PHACTR2: variants seen among roughly 807,000 people sequenced by gnomAD.
PHACTR2 encodes chromosome 6 open reading frame 56.
Under a neutral mutation model 76.0 loss-of-function variants are expected in PHACTR2, and 30 were observed. The ratio of observed to expected loss-of-function variants is 0.39; its 90% CI spans 0.30 to 0.54. The LOEUF (loss-of-function observed/expected upper bound fraction) is 0.54, where lower values mean the gene tolerates loss of function less well. Among genes scored for constraint, PHACTR2 ranks in the 20% least tolerant of loss-of-function variants. The probability of loss-of-function intolerance (pLI) is 0.61; values close to 1 mark genes in which losing one functional copy is unlikely to be tolerated. For missense variants in PHACTR2, 696 were observed against 781.1 expected (o/e 0.89, Z 1.30); for synonymous variants, 292 against 292.5 (o/e 1.00, Z 0.02).
chr6:143,603,145 CAA>C lies in PHACTR2; in HGVS notation c.217+65959_217+65960del, dbSNP rs751947717. Among the ~76,000 whole-genome samples, 417 of 78,800 alleles carry C rather than the reference CAA, an allele frequency of 5.3e-3. 1 individual carries two copies. The highest frequency in any genetic ancestry group is 0.017 in the African/African-American group (353 of 20,584). The allele number at this position is 78,800 out of a possible 152,430, so 51.7% of individuals were successfully genotyped here. ...GGGTGACAAGAGCAAGACTCTGTCT[CAA>C]AAAAAAAAAAAAAAAAAAAATACTT... On this transcript the variant is annotated intron_variant, in intron 1 of 11. Coordinates refer to the PHACTR2 transcript ENST00000367584.
intron 1 of PHACTR2, among the ~76,000 whole-genome samples, chr6:143,567,934 C>T (rs1231180830): frequency 6.6e-6 from 1 of 152,172 alleles, no homozygotes; most frequent in Non-Finnish European, 1.5e-5. Flanking sequence ...TAGAAACGTT[C>T]CAGCGATTCC....
rs374341261 is a variant in PHACTR2 at position 143,654,855 on chromosome 6, G to A, written c.13+46533G>A. ...TATTGATACATGCCACAACATGGAC[G>A]ACTCTTAAAAACATCATGCTAGCCG... is the stretch of plus-strand genomic sequence containing the variant. On this transcript the variant is annotated intron_variant, in intron 1 of 11. Transcript: ENST00000305766. This position sits in a 1 kb window ranked among gnomAD's most constrained non-coding sequence, Gnocchi z 4.6. Among the ~76,000 whole-genome samples the A allele has an allele frequency of 1.3e-4, 19 of 151,780 alleles. No individual in the cohort carries two copies. Among genetic ancestry groups the A allele is most frequent in the African/African-American group, 3.6e-4 (15 of 41,410 alleles).
In PHACTR2 at chr6:143,623,204, G is replaced by T. The variant is rs75777188; in HGVS notation, c.13+14882G>T. On this transcript the variant is annotated intron_variant, in intron 1 of 11. Transcript: ENST00000305766. The surrounding 1 kb of genome is among the most constrained non-coding windows in gnomAD (Gnocchi z 5.9). Reference sequence around the variant, plus strand: ...ATTAATAAATTAAATATTGTTATAAGAAAAAAGCCAAATTACCTTCCCTAG... The same window carrying T: ...ATTAATAAATTAAATATTGTTATAATAAAAAAGCCAAATTACCTTCCCTAG... Among the ~76,000 whole-genome samples, 3,199 of 152,048 alleles carry T rather than the reference G, an allele frequency of 0.021. 99 individuals carry two copies. Among genetic ancestry groups the T allele is most frequent in the African/African-American group, 0.072 (2,998 of 41,482 alleles).
chr6:143,800,407 G>T lies in PHACTR2; in HGVS notation c.1846-6650G>T, dbSNP rs1426820577. The stretch of plus-strand genomic sequence containing the variant: ...CTCCTGAGTAGCTGGGACTACAGGT[G>T]CCCGCCACCATGCCCAGTTAATTTT... On this transcript the variant is annotated intron_variant, in intron 11 of 12. Coordinates refer to ENST00000440869, the MANE Select transcript of PHACTR2 (RefSeq NM_001100164.2). The surrounding 1 kb of genome is among the most constrained non-coding windows in gnomAD (Gnocchi z 4.8). 6.6e-6 allele frequency among the ~76,000 whole-genome samples: 1 copy of T among 152,062 alleles called. No individual in the cohort carries two copies. Among genetic ancestry groups the T allele is most frequent in the East Asian group, 1.9e-4 (1 of 5,198 alleles).
chr6:143,671,090 C>T lies in PHACTR2; in HGVS notation c.14-40926C>T, dbSNP rs59720432. Among the ~76,000 whole-genome samples the T allele has an allele frequency of 2.6e-5, 4 of 152,040 alleles. No homozygotes were observed. On this transcript the variant is annotated intron_variant, in intron 1 of 11. Coordinates refer to the PHACTR2 transcript ENST00000305766. The surrounding 1 kb of genome is among the most constrained non-coding windows in gnomAD (Gnocchi z 4.6). ...GATTACAGGAATGCGCCACCATGCC[C>T]AGCTAATTTTTGTATTTTTAGTAGA...
chr6:143,786,919 T>C (rs1775570440), intron 10 of PHACTR2, among the ~76,000 whole-genome samples: 1 of 152,202 alleles, frequency 6.6e-6, no homozygotes, highest in Admixed American at 6.5e-5. Flanking sequence ...TCATTTTTTT[T>C]TCTCAAAGCT....
rs976102672 is a variant in PHACTR2, at chr6:143,547,862, A to T, written c.217+10655A>T. ...GATCTAACTCTCTCTTGCCCGCTGT[A>T]TCTATGTATGTATGTATGTACGTAT... is the stretch of plus-strand genomic sequence containing the variant. On this transcript the variant is annotated intron_variant, in intron 1 of 11. Transcript: ENST00000367584. This position sits in a 1 kb window ranked among gnomAD's most constrained non-coding sequence, Gnocchi z 4.2. 1.3e-5 allele frequency among the ~76,000 whole-genome samples: 2 copies of T among 152,010 alleles called. No homozygotes were observed. Among genetic ancestry groups the T allele is most frequent in the Non-Finnish European group, 2.9e-5 (2 of 68,016 alleles).
At chr6:143,705,327 C>T (rs2128459477) in intron 1 of PHACTR2, among the ~76,000 whole-genome samples, 2 of 138,206 alleles carry the variant, frequency 1.4e-5, no homozygotes, top group Admixed American at 1.5e-4. Context: ...CGGAGTCTTG[C>T]TCTGTAGCCC....
intron 2 of PHACTR2, among the ~76,000 whole-genome samples, chr6:143,726,107 A>C (rs1344532811): frequency 6.6e-6 from 1 of 152,228 alleles, no homozygotes; most frequent in East Asian, 1.9e-4. Context: ...TCATTTCTTT[A>C]GGGAAAATGT....
At position 143,539,406 on chromosome 6, in the gene PHACTR2, G is replaced by A. The variant is rs1401051668; in HGVS notation, c.217+2199G>A. Among the ~76,000 whole-genome samples, 2 of 152,198 alleles carry A rather than the reference G, an allele frequency of 1.3e-5. No individual in the cohort carries two copies. The highest frequency in any genetic ancestry group is 1.3e-4 in the Admixed American group (2 of 15,278). On this transcript the variant is annotated intron_variant, in intron 1 of 11. Transcript: ENST00000367584. This position sits in a 1 kb window ranked among gnomAD's most constrained non-coding sequence, Gnocchi z 4.3. The stretch of plus-strand genomic sequence containing the variant: ...TGATCAGGAGCTCCCTGCTCTTAGA[G>A]TCAGAGAGAAAAAGAATGAGCAGGT...
intron 1 of PHACTR2, among the ~76,000 whole-genome samples, chr6:143,667,508 C>T (rs1282037201): frequency 2.6e-5 from 4 of 152,180 alleles, no homozygotes; most frequent in African/African-American, 9.7e-5. Flanking sequence ...TATCCGTGAG[C>T]ATGGAATGCT....
chr6:143,593,238 G>T (rs1003821918), intron 1 of PHACTR2, among the ~76,000 whole-genome samples: 1 of 152,056 alleles, frequency 6.6e-6, no homozygotes. Flanking sequence ...AAGTCCTGTG[G>T]GGGCTGCAGA....
rs1227159043 is a variant in PHACTR2 at position 143,627,668 on chromosome 6, C to G, written c.13+19346C>G. Among the ~76,000 whole-genome samples, 1 of 150,358 alleles carries G rather than the reference C, an allele frequency of 6.7e-6. No homozygotes were observed. Among genetic ancestry groups the G allele is most frequent in the Non-Finnish European group, 1.5e-5 (1 of 67,814 alleles). On this transcript the variant is annotated intron_variant, in intron 1 of 11. Coordinates refer to the PHACTR2 transcript ENST00000305766. This position sits in a 1 kb window ranked among gnomAD's most constrained non-coding sequence, Gnocchi z 4.3. Reference sequence around the variant, plus strand: ...CCAGGCTGGAATGCAGTGGCACGATCTCGGCTCACTGCAACCTCCGCCTCC... The same window carrying G: ...CCAGGCTGGAATGCAGTGGCACGATGTCGGCTCACTGCAACCTCCGCCTCC...
chr6:143,789,167 C>T lies in PHACTR2; in HGVS notation c.1845+257C>T, dbSNP rs959601572. ...CATACCTGGATGAGGAGGGCTTTCT[C>T]ACATCCAGGATTTATCCTTACTCTT... On this transcript the variant is annotated intron_variant, in intron 11 of 12. Coordinates refer to ENST00000440869, the MANE Select transcript of PHACTR2 (RefSeq NM_001100164.2). This position sits in a 1 kb window ranked among gnomAD's most constrained non-coding sequence, Gnocchi z 5.1. The T allele has an allele frequency of 1.8e-5, 6 of 326,412 alleles. No individual in the cohort carries two copies. The highest frequency in any genetic ancestry group is 1.2e-4 in the African/African-American group (6 of 48,852). The allele number at this position is 326,412 out of a possible 1,614,324, so 20.2% of individuals were successfully genotyped here.
At chr6:143,796,834 A>G (rs1407151325) in intron 11 of PHACTR2, among the ~76,000 whole-genome samples, 1 of 152,052 alleles carries the variant, frequency 6.6e-6, no homozygotes, top group Non-Finnish European at 1.5e-5. Flanking sequence ...GGTTGGTTCC[A>G]TGTCTTTGCT....
intron 1 of PHACTR2, among the ~76,000 whole-genome samples, chr6:143,540,155 A>G (rs533288113): frequency 6.6e-6 from 1 of 152,168 alleles, no homozygotes; most frequent in South Asian, 2.1e-4. Flanking sequence ...CCTTGCTCCT[A>G]TTTTTGATTC....
At position 143,753,775 on chromosome 6, in the gene PHACTR2, T is replaced by G. The variant is rs528491731; in HGVS notation, c.317T>G (p.Phe106Cys). The change falls in exon 4 of 13, where the codon TTT becomes TGT. Residue 106 changes from phenylalanine (F) to cysteine (C), a missense_variant. By Grantham distance (205) the Phe-to-Cys change is radical (BLOSUM62 -2). Transcript: ENST00000440869. This position sits in a 1 kb window ranked among gnomAD's most constrained non-coding sequence, Gnocchi z 4.6. ...PDQDGDVTVNFENSNGHMIPI... is the reference protein window; with the variant it reads ...PDQDGDVTVNCENSNGHMIPI... The stretch of plus-strand genomic sequence containing the variant: ...TTAGATGGAGATGTAACAGTTAACT[T>G]TGAAAATTCAAACGGGCACATGATA... 1.2e-5 allele frequency: 19 copies of G among 1,600,454 alleles called. No homozygotes were observed. The highest frequency in any genetic ancestry group is 9.0e-5 in the East Asian group (4 of 44,594).
At position 143,592,784 on chromosome 6, in the gene PHACTR2, A is replaced by C. The variant is rs889707153; in HGVS notation, c.217+55577A>C. On this transcript the variant is annotated intron_variant, in intron 1 of 11. Transcript: ENST00000367584. This position sits in a 1 kb window ranked among gnomAD's most constrained non-coding sequence, Gnocchi z 4.0. ...AACCTTGGGCTGGGCACGGTGGCTC[A>C]AGCCTGTAATCCCAGCACTTTGGGA... 2.6e-5 allele frequency among the ~76,000 whole-genome samples: 4 copies of C among 152,122 alleles called. No homozygotes were observed. The highest frequency in any genetic ancestry group is 9.7e-5 in the African/African-American group (4 of 41,422).
Position 143,801,860 on chromosome 6 carries a change from T to C in PHACTR2, c.1846-5197T>C, listed in dbSNP as rs1775963416. ...TTTATTTACCTTTGGTCTTTGATGT[T>C]GGTGACCTACAGATGGGGTTTGGGT... On this transcript the variant is annotated intron_variant, in intron 11 of 12. Transcript: ENST00000440869. The surrounding 1 kb of genome is among the most constrained non-coding windows in gnomAD (Gnocchi z 4.6). Among the ~76,000 whole-genome samples the C allele has an allele frequency of 6.6e-6, 1 of 152,232 alleles. No homozygotes were observed. Among genetic ancestry groups the C allele is most frequent in the Non-Finnish European group, 1.5e-5 (1 of 68,046 alleles).
Sources: allele counts gnomAD v4.1 joint callset (sites outside exome capture counted in the v4.1 genomes callset), GRCh38; gene constraint gnomAD v4.1.1; non-coding constraint Gnocchi (gnomAD v3.1); transcripts MANE v1.5; gene names NCBI Gene and HGNC (gene_info 2026-07-23, HGNC 2026-07-21).